ZNF710: variants seen among roughly 807,000 people sequenced by gnomAD.
ZNF710 encodes the protein zinc finger protein 710.
A neutral mutation model predicts 50.6 loss-of-function variants in ZNF710; 13 were observed. The observed-to-expected ratio is 0.26, with a 90% CI of 0.17 to 0.41. ZNF710 has a LOEUF of 0.41. ZNF710 is among the 10% of genes least tolerant of loss of function. The pLI is 1.00. For missense variants in ZNF710, 721 were observed against 936.6 expected, an observed-to-expected ratio of 0.77 and a Z score of 3.01; for synonymous variants, 383 against 397.0, an observed-to-expected ratio of 0.96 and a Z score of 0.42.
In ZNF710 at chr15:90,080,324, G is replaced by A. The variant is rs562795241; in HGVS notation, c.*495G>A. 2.6e-5 allele frequency: 4 copies of A among 153,610 alleles called. No individual in the cohort carries two copies. In the East Asian group the frequency reaches 5.8e-4, roughly 22 times the overall value. The allele number at this position is 153,610 out of a possible 1,614,324, so 9.5% of individuals were successfully genotyped here. On this transcript the variant is annotated 3_prime_UTR_variant, in exon 5 of 5. Coordinates refer to ENST00000268154, the MANE Select transcript of ZNF710 (RefSeq NM_198526.4). ...TTGTCCAGGCCCCCTTCCCCGCCCT[G>A]TCGACGGACCGCCAGGCAGGGCACT...
chr15:90,054,261 C>T (rs1212045457), intron 1 of ZNF710, among the ~76,000 whole-genome samples: 1 of 151,518 alleles, frequency 6.6e-6, no homozygotes, highest in African/African-American at 2.4e-5. Flanking sequence ...GGGGTTGCCA[C>T]GGAAACCGAA....
At chr15:90,064,574 G>A (rs779341653) in intron 1 of ZNF710, among the ~76,000 whole-genome samples, 6 of 152,142 alleles carry the variant, frequency 3.9e-5, no homozygotes, top group Admixed American at 6.5e-5. Context: ...TGCAACTTCC[G>A]CCTCCTGGGT....
intron 1 of ZNF710, among the ~76,000 whole-genome samples, chr15:90,018,715 C>T (rs970588711): frequency 5.9e-5 from 9 of 152,160 alleles, no homozygotes; most frequent in Non-Finnish European, 1.2e-4. Context: ...GAAAGCTGGG[C>T]CCTGGGTCTT....
intron 1 of ZNF710, chr15:90,045,399 C>T (rs1899427959): frequency 1.0e-6 from 1 of 985,364 alleles, no homozygotes. Context: ...GACAGGTTTG[C>T]CGTCTGGGAA....
chr15:89,999,399 C>T (rs1056761331), upstream of ZNF710, among the ~76,000 whole-genome samples: 1 of 152,210 alleles, frequency 6.6e-6, no homozygotes, highest in Non-Finnish European at 1.5e-5. Flanking sequence ...GCATGCTTGG[C>T]TCTAAGAGCT....
At chr15:90,006,232 A>G (rs1013946800) in intron 1 of ZNF710, among the ~76,000 whole-genome samples, 1 of 152,140 alleles carries the variant, frequency 6.6e-6, no homozygotes, top group Non-Finnish European at 1.5e-5. Context: ...CTTGATAAAG[A>G]TGTAGGAGAT....
intron 1 of ZNF710, among the ~76,000 whole-genome samples, chr15:90,038,589 C>T (rs941182016): frequency 6.6e-6 from 1 of 152,108 alleles, no homozygotes; most frequent in African/African-American, 2.4e-5. Flanking sequence ...TCATATTTCC[C>T]CAGTTGAACT....
intron 1 of ZNF710, among the ~76,000 whole-genome samples, chr15:90,008,751 A>G (rs866787989): frequency 1.3e-5 from 2 of 151,496 alleles, no homozygotes; most frequent in African/African-American, 4.9e-5. Context: ...AGTGTACTCC[A>G]GCCTGAAAAC....
intron 1 of ZNF710, among the ~76,000 whole-genome samples, chr15:90,006,498 T>G (rs926958371): frequency 1.6e-4 from 24 of 152,174 alleles, no homozygotes; most frequent in Admixed American, 1.2e-3. Context: ...GCTTGCAGTC[T>G]CCCTGGGAGG....
In ZNF710 at chr15:90,067,968, C is replaced by T. The variant is rs778154994; in HGVS notation, c.831C>T (p.Asn277=). ...CCCAGCTGGATCGGCTGGACATCAA[C>T]GTGCAGATTGACGACTCCTATCTGG... ...KKAQLDRLDI[N]VQIDDSYLVE... The change falls in exon 2 of 5, where the codon AAC becomes AAT. Residue 277 remains asparagine, a synonymous_variant. Transcript: ENST00000268154. The surrounding 1 kb of genome is among the most constrained non-coding windows in gnomAD (Gnocchi z 8.1). 2.5e-5 allele frequency: 40 copies of T among 1,614,030 alleles called. No homozygotes were observed. In the South Asian group the frequency reaches 2.9e-4, roughly 12 times the overall value.
intron 4 of ZNF710, chr15:90,074,499 C>A: frequency 6.6e-7 from 1 of 1,517,034 alleles, no homozygotes; most frequent in Non-Finnish European, 8.8e-7. Flanking sequence ...TAAATGAGAT[C>A]ACGTAAACAA....
intron 1 of ZNF710, among the ~76,000 whole-genome samples, chr15:90,028,679 G>GA (rs1898846450): frequency 6.6e-6 from 1 of 152,196 alleles, no homozygotes; most frequent in African/African-American, 2.4e-5. Flanking sequence ...CTCTGTGCGT[G>GA]AATGCATGGA....
At chr15:90,018,797 G>A (rs1898527801) in intron 1 of ZNF710, among the ~76,000 whole-genome samples, 1 of 152,114 alleles carries the variant, frequency 6.6e-6, no homozygotes, top group African/African-American at 2.4e-5. Context: ...AGGGCCTTCT[G>A]GAGGATTCTA....
In ZNF710 at chr15:90,068,113, C is replaced by A; in HGVS notation, c.976C>A (p.Pro326Thr). The change falls in exon 2 of 5, where the codon CCA becomes ACA. Residue 326 changes from proline (P) to threonine (T), a missense_variant. Pro to Thr is a conservative substitution (Grantham distance 38, BLOSUM62 -1). This residue lies in a region of ZNF710 where 326 missense variants were observed against 522.0 expected (regional missense o/e 0.62). Transcript: ENST00000268154. This position sits in a 1 kb window ranked among gnomAD's most constrained non-coding sequence, Gnocchi z 5.0. ...GHNGIKPHSCPHCSKLFKQPS... is the reference protein window; with the variant it reads ...GHNGIKPHSCTHCSKLFKQPS... The stretch of plus-strand genomic sequence containing the variant: ...CAACGGCATCAAGCCACACTCGTGC[C>A]CACACTGCAGCAAGCTCTTCAAGCA... 6.2e-7 allele frequency: 1 copy of A among 1,614,272 alleles called. No homozygotes were observed. The highest frequency in any genetic ancestry group is 8.5e-7 in the Non-Finnish European group (1 of 1,180,044).
intron 1 of ZNF710, among the ~76,000 whole-genome samples, chr15:90,054,919 T>C (rs1899764523): frequency 6.6e-6 from 1 of 152,212 alleles, no homozygotes; most frequent in Non-Finnish European, 1.5e-5. Flanking sequence ...AGGGTCTATC[T>C]GGCTGCTGTC....
intron 1 of ZNF710, among the ~76,000 whole-genome samples, chr15:90,015,749 G>A (rs1274585343): frequency 2.0e-5 from 3 of 151,994 alleles, no homozygotes; most frequent in South Asian, 2.1e-4. Context: ...GCGCATGCCC[G>A]TAAATACTGA....
chr15:90,078,130 G>A (rs1900637316), intron 4 of ZNF710, among the ~76,000 whole-genome samples: 1 of 149,222 alleles, frequency 6.7e-6, no homozygotes, highest in African/African-American at 2.5e-5. Context: ...AGAATCGCTT[G>A]ACCCCAGGAG....
At chr15:90,006,937 G>A (rs1898154873) in intron 1 of ZNF710, 1 of 154,708 alleles carries the variant, frequency 6.5e-6, no homozygotes, top group Non-Finnish European at 1.5e-5. Flanking sequence ...TCACCCTGGG[G>A]TGACTTCTCT....
chr15:90,023,289 G>C (rs1050890040), intron 1 of ZNF710, among the ~76,000 whole-genome samples: 1 of 152,224 alleles, frequency 6.6e-6, no homozygotes, highest in Admixed American at 6.5e-5. Flanking sequence ...CCACTGGACA[G>C]CCTGGTGGCT....
Sources: allele counts gnomAD v4.1 joint callset (sites outside exome capture counted in the v4.1 genomes callset), GRCh38; gene constraint gnomAD v4.1.1; regional missense constraint gnomAD v4.1.1; non-coding constraint Gnocchi (gnomAD v3.1); transcripts MANE v1.5; gene names NCBI Gene and HGNC (gene_info 2026-07-23, HGNC 2026-07-21).